ATP9B: variants seen among roughly 807,000 people sequenced by gnomAD.
ATP9B encodes probable phospholipid-transporting ATPase IIB.
ATP9B carries 110 observed loss-of-function variants against 146.1 expected under a neutral mutation model. That is an observed-to-expected ratio of 0.75 (90% CI 0.65 to 0.88). The LOEUF is 0.88. Among genes scored for constraint, ATP9B ranks in the 40% least tolerant of loss-of-function variants. The probability of loss-of-function intolerance (pLI) is 0.00; values close to 1 mark genes in which losing one functional copy is unlikely to be tolerated. For synonymous variants in ATP9B, 604 were observed against 569.7 expected, an observed-to-expected ratio of 1.06 and a Z score of -0.86; for missense variants, 1,499 against 1,496.4, an observed-to-expected ratio of 1.00 and a Z score of -0.03.
At chr18:79,192,969 C>G (rs529059072) in intron 8 of ATP9B, among the ~76,000 whole-genome samples, 2 of 152,256 alleles carry the variant, frequency 1.3e-5, no homozygotes, top group East Asian at 3.9e-4. Context: ...TTGACTCACA[C>G]CTGCTGTTCA....
At chr18:79,370,938 T>C (rs1016056551) in intron 26 of ATP9B, among the ~76,000 whole-genome samples, 12 of 152,224 alleles carry the variant, frequency 7.9e-5, no homozygotes, top group African/African-American at 2.9e-4. Context: ...AGCCACATAC[T>C]TAATTACAGA....
At chr18:79,175,917 G>A (rs905189647) in intron 7 of ATP9B, among the ~76,000 whole-genome samples, 8 of 152,182 alleles carry the variant, frequency 5.3e-5, no homozygotes, top group Admixed American at 5.2e-4. Context: ...TATATGCATA[G>A]AGATCTGTAT....
At chr18:79,192,559 T>G (rs1043993256) in intron 8 of ATP9B, among the ~76,000 whole-genome samples, 5 of 152,214 alleles carry the variant, frequency 3.3e-5, no homozygotes, top group African/African-American at 1.2e-4. Flanking sequence ...AGCCAATGAA[T>G]GAAGCAACCT....
At chr18:79,153,378 T>C (rs1031242580) in intron 6 of ATP9B, among the ~76,000 whole-genome samples, 3 of 152,352 alleles carry the variant, frequency 2.0e-5, no homozygotes, top group Admixed American at 2.0e-4. Context: ...TTTGAGTTTT[T>C]CTGTGTCATG....
intron 26 of ATP9B, among the ~76,000 whole-genome samples, chr18:79,366,519 A>T (rs747773759): frequency 2.0e-5 from 3 of 152,206 alleles, no homozygotes; most frequent in Non-Finnish European, 2.9e-5. Flanking sequence ...TGAGAAGCAG[A>T]TTTCTCCCTG....
intron 8 of ATP9B, among the ~76,000 whole-genome samples, chr18:79,181,244 C>G (rs2095249138): frequency 6.6e-6 from 1 of 152,196 alleles, no homozygotes; most frequent in Non-Finnish European, 1.5e-5. Flanking sequence ...TCCACTTTAT[C>G]CTCTGTGCCT....
chr18:79,262,415 T>C (rs766128020), intron 12 of ATP9B, among the ~76,000 whole-genome samples: 2 of 152,204 alleles, frequency 1.3e-5, no homozygotes, highest in Non-Finnish European at 2.9e-5. Context: ...TTATTTTATA[T>C]ATACAAACCT....
At chr18:79,141,531 C>CTA (rs2094514177) in intron 5 of ATP9B, among the ~76,000 whole-genome samples, 1 of 152,150 alleles carries the variant, frequency 6.6e-6, no homozygotes, top group Non-Finnish European at 1.5e-5. Context: ...GATTTAAATA[C>CTA]TAGCATTTAC....
chr18:79,110,164 T>C (rs1199003056), intron 2 of ATP9B, among the ~76,000 whole-genome samples, 191 bp from the exon 3 acceptor site: 1 of 152,226 alleles, frequency 6.6e-6, no homozygotes, highest in Non-Finnish European at 1.5e-5. Context: ...TAAGACTTTG[T>C]ATTTTATGTC....
Position 79,374,063 on chromosome 18 carries a change from G to A in ATP9B, c.3236G>A (p.Cys1079Tyr). Reference sequence around the variant, plus strand: ...GTGGCCGAGTTCCTCAGCTTAGGCTGCTACGTGTCCTCACTCGCTTTTCTC... The same window carrying A: ...GTGGCCGAGTTCCTCAGCTTAGGCTACTACGTGTCCTCACTCGCTTTTCTC... ...MVVAEFLSLG[C>Y]YVSSLAFLNE... is the part of the protein sequence containing the mutation. Residue 1079 changes from cysteine (C) to tyrosine (Y), a missense_variant, in exon 28 of 30, where the codon TGC (cysteine) becomes TAC (tyrosine). Cys to Tyr is a radical substitution (Grantham distance 194). Coordinates refer to ENST00000426216, the MANE Select transcript of ATP9B (RefSeq NM_198531.5). The A allele has an allele frequency of 3.7e-6, 6 of 1,614,226 alleles. No homozygotes were observed. Among genetic ancestry groups the A allele is most frequent in the South Asian group, 1.1e-5 (1 of 91,084 alleles).
chr18:79,286,848 A>C (rs1321917086), intron 13 of ATP9B, among the ~76,000 whole-genome samples: 3 of 152,164 alleles, frequency 2.0e-5, no homozygotes, highest in African/African-American at 7.2e-5. Context: ...AATTTTATCA[A>C]ATTCATTTCT....
chr18:79,255,749 G>A (rs1004074128), intron 12 of ATP9B, among the ~76,000 whole-genome samples: 4 of 152,170 alleles, frequency 2.6e-5, no homozygotes, highest in East Asian at 1.9e-4. Flanking sequence ...GTAGCTCCAC[G>A]TAAGGCACAT....
chr18:79,188,203 G>A (rs2095327214), intron 8 of ATP9B, among the ~76,000 whole-genome samples: 1 of 151,948 alleles, frequency 6.6e-6, no homozygotes, highest in Admixed American at 6.6e-5. Context: ...AAATATGAGA[G>A]GATGTTACTA....
At position 79,298,033 on chromosome 18, in the gene ATP9B, C is replaced by T. The variant is rs559937625; in HGVS notation, c.1412-5571C>T. On this transcript the variant is annotated intron_variant, in intron 13 of 29. Coordinates refer to ENST00000426216, the MANE Select transcript of ATP9B (RefSeq NM_198531.5). ...GAGGCCTCACTCTGTGTGATGGAGA[C>T]GCACGCTTTCCCTAGGTCAGGAAGG... Among the ~76,000 whole-genome samples the T allele has an allele frequency of 6.8e-5, 10 of 147,206 alleles. 1 individual carries two copies. The East Asian group carries it at 2.0e-3, about 30-fold the overall frequency.
At position 79,375,414 on chromosome 18, in the gene ATP9B, G is replaced by A; in HGVS notation, c.3295G>A (p.Gly1099Arg). The change falls in exon 29 of 30, where the codon GGA (glycine) becomes AGA (arginine). Residue 1099 changes from glycine (G) to arginine (R), a missense_variant. Physicochemically the swap from Gly to Arg is moderately radical, Grantham distance 125. Transcript: ENST00000426216. ...AACAGGTATAGGCAGAGTGTCTTTT[G>A]GAGCTTTCTTAGGTAGGTAAAGTTA... ...EYFGIGRVSFGAFLDVAFITT... is the reference protein window; with the variant it reads ...EYFGIGRVSFRAFLDVAFITT... 1 of 1,612,746 alleles carries A rather than the reference G, an allele frequency of 6.2e-7. No homozygotes were observed. Among genetic ancestry groups the A allele is most frequent in the Non-Finnish European group, 8.5e-7 (1 of 1,178,846 alleles).
chr18:79,184,358 G>T (rs773476482), intron 8 of ATP9B, among the ~76,000 whole-genome samples: 8 of 152,112 alleles, frequency 5.3e-5, no homozygotes, highest in East Asian at 1.9e-4. Context: ...AGGTTTTTTT[G>T]TTTGTTTGTT....
intron 10 of ATP9B, among the ~76,000 whole-genome samples, chr18:79,207,672 G>A (rs1216206914): frequency 2.0e-5 from 3 of 152,030 alleles, no homozygotes; most frequent in African/African-American, 7.2e-5. Context: ...GGTGATGGCA[G>A]CCTGGAATGA....
chr18:79,333,756 G>A (rs890065253), intron 17 of ATP9B, among the ~76,000 whole-genome samples: 1 of 152,102 alleles, frequency 6.6e-6, no homozygotes, highest in African/African-American at 2.4e-5. Context: ...CCACCTCTGC[G>A]GGCTCATTGC....
intron 7 of ATP9B, among the ~76,000 whole-genome samples, chr18:79,166,981 T>C (rs941153561): frequency 6.6e-6 from 1 of 152,030 alleles, no homozygotes; most frequent in African/African-American, 2.4e-5. Context: ...AGGTGCCGGC[T>C]CTGTGTGAGG....
Sources: allele counts gnomAD v4.1 joint callset (sites outside exome capture counted in the v4.1 genomes callset), GRCh38; gene constraint gnomAD v4.1.1; transcripts MANE v1.5; gene names NCBI Gene and HGNC (gene_info 2026-07-23, HGNC 2026-07-21).